Variants in XK observed in about 807,000 individuals in gnomAD.
XK encodes the protein endoplasmic reticulum membrane adapter protein XK.
In XK, 2 loss-of-function variants were observed where a neutral mutation model predicts 14.0. The ratio of observed to expected loss-of-function variants is 0.14; its 90% CI spans 0.06 to 0.45. The LOEUF (loss-of-function observed/expected upper bound fraction) is 0.45. XK is among the 20% of genes least tolerant of loss of function. The probability of loss-of-function intolerance (pLI) is 0.98; values close to 1 mark genes in which losing one functional copy is unlikely to be tolerated. For synonymous variants in XK, 149 were observed against 147.5 expected (o/e 1.01, Z -0.08); for missense variants, 235 against 341.5 (o/e 0.69, Z 2.46).
intron 2 of XK, among the ~76,000 whole-genome samples, chrX:37,696,462 G>A (rs782156132): frequency 2.7e-5 from 3 of 112,527 alleles, no homozygotes; most frequent in Admixed American, 1.9e-4. Flanking sequence ...AATAGATATG[G>A]AAAAAGGAAG....
intron 2 of XK, among the ~76,000 whole-genome samples, chrX:37,725,171 A>G (rs369186743): frequency 9.0e-6 from 1 of 111,450 alleles, no homozygotes; most frequent in South Asian, 3.7e-4. Flanking sequence ...AGGGGCAGGA[A>G]TGGCTCTGGG....
At chrX:37,718,640 T>A (rs782255103) in intron 2 of XK, among the ~76,000 whole-genome samples, 1 of 111,977 alleles carries the variant, frequency 8.9e-6, no homozygotes, top group African/African-American at 3.2e-5. Flanking sequence ...ATGTTTAGCT[T>A]CAGTAGAGAC....
In XK at chrX:37,705,217, G is replaced by A. The variant is rs781923962; in HGVS notation, c.508+10669G>A. 3.7e-3 allele frequency among the ~76,000 whole-genome samples: 414 copies of A among 110,503 alleles called. 1 individual carries two copies. Among genetic ancestry groups the A allele is most frequent in the African/African-American group, 0.013 (389 of 30,383 alleles). On this transcript the variant is annotated intron_variant, in intron 2 of 2. Coordinates refer to ENST00000378616, the MANE Select transcript of XK (RefSeq NM_021083.4). ...TCCCAGCACTTTGGGGGGCCAAGGC[G>A]GGCGGATCACGAGGTCAGGAGATCA...
intron 2 of XK, among the ~76,000 whole-genome samples, chrX:37,710,934 ACAGT>A (rs1335428270): frequency 8.9e-6 from 1 of 111,917 alleles, no homozygotes; most frequent in East Asian, 2.8e-4. Context: ...TAGGGGTGGG[ACAGT>A]CAGTCTAATT....
chrX:37,727,815 AC>A lies in XK; in HGVS notation c.690del (p.Ser231ProfsTer3). On this transcript the variant is annotated frameshift_variant, in exon 3 of 3. Transcript: ENST00000378616. LOFTEE classifies it high-confidence loss of function. Reference sequence around the variant, plus strand: ...TCGAGTTGTAGTCCTGGTCCTCTTTACCTCCGTCCTGAAGACCTGGGTGGTG... The same window carrying A: ...TCGAGTTGTAGTCCTGGTCCTCTTTACTCCGTCCTGAAGACCTGGGTGGTG... The part of the protein sequence containing the change: ...ATRVVVLVLF[T>X]SVLKTWVVVI... 8.3e-7 allele frequency: 1 copy of A among 1,210,311 alleles called. No homozygotes were observed. Among genetic ancestry groups the A allele is most frequent in the South Asian group, 1.8e-5 (1 of 56,868 alleles).
intron 1 of XK, among the ~76,000 whole-genome samples, chrX:37,690,908 A>G (rs1927188334): frequency 8.9e-6 from 1 of 112,447 alleles, no homozygotes; most frequent in African/African-American, 3.2e-5. Flanking sequence ...AAACCAAAAA[A>G]TAAGAACAGA....
chrX:37,708,302 G>T (rs1401199488), intron 2 of XK, among the ~76,000 whole-genome samples: 2 of 111,929 alleles, frequency 1.8e-5, no homozygotes, highest in Non-Finnish European at 3.8e-5. Flanking sequence ...AAGACAATGT[G>T]AGGAGTGAAA....
intron 2 of XK, among the ~76,000 whole-genome samples, chrX:37,707,113 T>C (rs1306158782): frequency 1.8e-5 from 2 of 112,640 alleles, no homozygotes; most frequent in Non-Finnish European, 3.8e-5. Flanking sequence ...AAACCGCCAT[T>C]GTCATCATGG....
At chrX:37,694,739 G>T (rs782402735) in intron 2 of XK, among the ~76,000 whole-genome samples, 191 bp downstream of exon 2, 9 of 111,981 alleles carry the variant, frequency 8.0e-5, no homozygotes, top group Admixed American at 1.9e-4. Context: ...TCTAGGCAGG[G>T]CTCAAAAGGG....
Position 37,710,790 on chromosome X carries a change from T to C in XK, c.508+16242T>C, listed in dbSNP as rs909097953. Among the ~76,000 whole-genome samples the C allele has an allele frequency of 5.2e-4, 59 of 112,510 alleles. 1 individual carries two copies. Among genetic ancestry groups the C allele is most frequent in the Non-Finnish European group, 8.8e-4 (47 of 53,306 alleles). On this transcript the variant is annotated intron_variant, in intron 2 of 2. Transcript: ENST00000378616. ...CTGTATTGAACAATGCATTTTGCAG[T>C]ATGTATCGGTGACTTGTCAGATAGC...
intron 2 of XK, among the ~76,000 whole-genome samples, chrX:37,707,242 C>T (rs1473992262): frequency 1.5e-4 from 16 of 108,327 alleles, no homozygotes; most frequent in Admixed American, 4.8e-4. Context: ...CCGGACGGGG[C>T]GGCTGGCCGG....
At chrX:37,696,819 G>A (rs943999751) in intron 2 of XK, among the ~76,000 whole-genome samples, 31 of 112,156 alleles carry the variant, frequency 2.8e-4, no homozygotes, top group Non-Finnish European at 5.6e-4. Flanking sequence ...CCTTTTGCTT[G>A]GGTTGCTACT....
intron 2 of XK, among the ~76,000 whole-genome samples, chrX:37,719,942 T>A (rs1569475105): frequency 5.4e-5 from 6 of 111,275 alleles, no homozygotes; most frequent in Admixed American, 2.9e-4. Flanking sequence ...TTTATGGCAG[T>A]CAGATGGACT....
At chrX:37,698,075 T>C (rs1927336473) in intron 2 of XK, among the ~76,000 whole-genome samples, 1 of 112,007 alleles carries the variant, frequency 8.9e-6, no homozygotes, top group Non-Finnish European at 1.9e-5. Context: ...ATGGGTTGGG[T>C]TGAAGCCTAA....
At chrX:37,691,206 C>A (rs1602144679) in intron 1 of XK, among the ~76,000 whole-genome samples, 1 of 112,431 alleles carries the variant, frequency 8.9e-6, no homozygotes, top group East Asian at 2.8e-4. Context: ...TCATATAGCC[C>A]CTTCCTTCGC....
intron 2 of XK, among the ~76,000 whole-genome samples, chrX:37,709,484 CAA>C (rs782505075): frequency 8.9e-6 from 1 of 111,921 alleles, no homozygotes; most frequent in South Asian, 3.7e-4. Context: ...GAAACATACT[CAA>C]GAGTATAAAA....
chrX:37,688,059 CTTTTTTT>C (rs1222330719), intron 1 of XK, among the ~76,000 whole-genome samples: 1 of 54,662 alleles, frequency 1.8e-5, no homozygotes, highest in East Asian at 4.0e-4. Flanking sequence ...TTCTTTCTTT[CTTTTTTT>C]TTTTTTTTTT....
At position 37,694,391 on chromosome X, in the gene XK, G is replaced by C. The variant is rs1556442155; in HGVS notation, c.351G>C (p.Glu117Asp). Residue 117 changes from glutamate to aspartate, a missense_variant, in exon 2 of 3, where the codon GAG becomes GAC. Physicochemically the swap from Glu to Asp is conservative, Grantham distance 45 (BLOSUM62 2). Transcript: ENST00000378616. ...RQMPKNGLSEEIEKEVGQAEG... is the reference protein window; with the variant it reads ...RQMPKNGLSEDIEKEVGQAEG... ...TGCCAAAAAATGGCCTCTCAGAGGA[G>C]ATTGAGAAGGAGGTGGGCCAGGCAG... 1 of 1,207,221 alleles carries C rather than the reference G, an allele frequency of 8.3e-7. No homozygotes were observed. Among genetic ancestry groups the C allele is most frequent in the Admixed American group, 2.2e-5 (1 of 45,774 alleles).
At chrX:37,701,048 TTCTTCTGTCC>T (rs1927405789) in intron 2 of XK, among the ~76,000 whole-genome samples, 1 of 112,392 alleles carries the variant, frequency 8.9e-6, no homozygotes. Flanking sequence ...TTGGAATATA[TTCTTCTGTCC>T]TCTTGTGGAC....
Sources: gnomAD v4.1 joint callset for allele counts (sites outside exome capture counted in the v4.1 genomes callset) on GRCh38, gnomAD v4.1.1 for gene constraint, MANE v1.5 for transcripts, NCBI Gene and HGNC (gene_info 2026-07-23, HGNC 2026-07-21) for gene names.